The following SLC35B4 variants were observed in gnomAD, a reference collection of about 807,000 sequenced individuals.
The protein encoded by SLC35B4 is solute carrier family 35 member B4, also known as nucleotide sugar transporter SLC35B4.
In SLC35B4, 28 loss-of-function variants were observed where a neutral mutation model predicts 39.5. That is an observed-to-expected ratio of 0.71 (90% CI 0.53 to 0.97). The LOEUF is 0.97. Among genes scored for constraint, SLC35B4 ranks in the 50% least tolerant of loss-of-function variants. The probability of loss-of-function intolerance (pLI) is 0.00; values close to 1 mark genes in which losing one functional copy is unlikely to be tolerated. For missense variants in SLC35B4, 334 were observed against 414.3 expected (o/e 0.81, Z 1.68); for synonymous variants, 145 against 150.4 (o/e 0.96, Z 0.26).
intron 9 of SLC35B4, 54 bp from the exon 10 acceptor site, chr7:134,295,133 G>C (rs1378460746): frequency 1.3e-6 from 2 of 1,589,620 alleles, no homozygotes; most frequent in Non-Finnish European, 1.7e-6. Flanking sequence ...GGGGATCAGT[G>C]AGAGAACCTT....
In SLC35B4 at chr7:134,310,298, A is replaced by AT. The variant is rs1212995837; in HGVS notation, c.78-820dup. Reference sequence around the variant, plus strand: ...GTGATCTGTGAAACAGTTGGGGAAGATTCCCCACATTCAACAGTGATTGTT... The same window carrying AT: ...GTGATCTGTGAAACAGTTGGGGAAGATTTCCCCACATTCAACAGTGATTGTT... On this transcript the variant is annotated intron_variant, in intron 1 of 9. Coordinates refer to ENST00000378509, the MANE Select transcript of SLC35B4 (RefSeq NM_032826.5). Among the ~76,000 whole-genome samples, 6 of 152,302 alleles carry AT rather than the reference A, an allele frequency of 3.9e-5. No individual in the cohort carries two copies. The East Asian group carries it at 1.2e-3, about 29-fold the overall frequency.
chr7:134,294,491 C>T lies in SLC35B4; in HGVS notation c.*342G>A, dbSNP rs1420323228. 4.5e-6 allele frequency: 1 copy of T among 222,396 alleles called. No individual in the cohort carries two copies. Among genetic ancestry groups the T allele is most frequent in the Non-Finnish European group, 9.2e-6 (1 of 109,184 alleles). 13.8% of individuals were successfully genotyped at this position (222,396 alleles called of 1,614,324 possible). A position where few individuals can be genotyped will look rare whatever the true frequency, so the allele number is the denominator to read the frequency against. ...TGCATTACAACAGCAAGAGAAGGGA[C>T]AATCTTTTCCAAGACCATGGATAGT... is the stretch of plus-strand genomic sequence containing the variant. On this transcript the variant is annotated 3_prime_UTR_variant, in exon 10 of 10. Coordinates refer to ENST00000378509, the MANE Select transcript of SLC35B4 (RefSeq NM_032826.5).
intron 9 of SLC35B4, 77 bp downstream of exon 9, chr7:134,296,314 A>T: frequency 1.6e-6 from 2 of 1,250,806 alleles, no homozygotes; most frequent in Non-Finnish European, 2.3e-6. Context: ...ACACACTGTT[A>T]GAAGAAAAGA....
Position 134,316,871 on chromosome 7 carries a change from C to A in SLC35B4, c.-120G>T, listed in dbSNP as rs1585650405. 2 of 1,005,570 alleles carry A rather than the reference C, an allele frequency of 2.0e-6. No individual in the cohort carries two copies. The highest frequency in any genetic ancestry group is 5.4e-5 in the East Asian group (2 of 37,030). 62.3% of individuals were successfully genotyped at this position (1,005,570 alleles called of 1,614,324 possible). ...CACATCGCACCGTCCTGGAAAGCCG[C>A]TCTCACTGGGGGCCGCCGCGGTCTC... On this transcript the variant is annotated 5_prime_UTR_variant, in exon 1 of 10. Coordinates refer to ENST00000378509, the MANE Select transcript of SLC35B4 (RefSeq NM_032826.5).
In SLC35B4 at chr7:134,313,201, T is replaced by C. The variant is rs556220520; in HGVS notation, c.77+3474A>G. Among the ~76,000 whole-genome samples, 76 of 152,254 alleles carry C rather than the reference T, an allele frequency of 5.0e-4. 1 individual carries two copies. The highest frequency in any genetic ancestry group is 7.8e-4 in the Non-Finnish European group (53 of 68,042). On this transcript the variant is annotated intron_variant, in intron 1 of 9. Transcript: ENST00000378509. ...CTTGGATCCCTTAATCTTGTTTTCT[T>C]GAGCTCTCTTCCTCAGGAATTGTAA...
chr7:134,296,664 A>G (rs1013130611), intron 8 of SLC35B4, among the ~76,000 whole-genome samples, 198 bp from the exon 9 acceptor site: 1 of 152,224 alleles, frequency 6.6e-6, no homozygotes, highest in African/African-American at 2.4e-5. Context: ...TTGGTTTCTT[A>G]AAACAAATAA....
chr7:134,303,813 C>T (rs1163619802), intron 4 of SLC35B4, among the ~76,000 whole-genome samples: 1 of 152,086 alleles, frequency 6.6e-6, no homozygotes, highest in African/African-American at 2.4e-5. Flanking sequence ...ATCCTTCCTC[C>T]TTAGGAGTGA....
At chr7:134,314,090 G>A (rs1286274223) in intron 1 of SLC35B4, among the ~76,000 whole-genome samples, 1 of 152,070 alleles carries the variant, frequency 6.6e-6, no homozygotes, top group African/African-American at 2.4e-5. Flanking sequence ...TTAAATAGGA[G>A]CTCCTATAAT....
At chr7:134,320,217 C>A (rs562616509), upstream of SLC35B4, among the ~76,000 whole-genome samples, 1 of 152,302 alleles carries the variant, frequency 6.6e-6, no homozygotes, top group East Asian at 1.9e-4. Context: ...GGTTCTCATG[C>A]AGTTGCAGTC....
At chr7:134,297,667 A>G (rs965640306) in intron 8 of SLC35B4, among the ~76,000 whole-genome samples, 14 of 152,274 alleles carry the variant, frequency 9.2e-5, no homozygotes, top group African/African-American at 3.1e-4. Flanking sequence ...GACATGGTCT[A>G]GAAGAAAATC....
intron 8 of SLC35B4, 27 bp downstream of exon 8, chr7:134,299,496 A>G (rs770256559): frequency 9.1e-5 from 142 of 1,566,102 alleles, no homozygotes; most frequent in Non-Finnish European, 1.2e-4. Context: ...ACTGTCAGGT[A>G]ATTCTACTGT....
rs1179414666 is a variant in SLC35B4, at chr7:134,290,121, A to G, written c.*4712T>C. Reference sequence around the variant, plus strand: ...AACTTTTAAGAATCTTTAATGTTCTATTAGGGATCTTCTTGCACTTTCTTC... The same window carrying G: ...AACTTTTAAGAATCTTTAATGTTCTGTTAGGGATCTTCTTGCACTTTCTTC... On this transcript the variant is annotated 3_prime_UTR_variant, in exon 10 of 10. Transcript: ENST00000378509. 6.6e-6 allele frequency: 1 copy of G among 152,210 alleles called. No homozygotes were observed. Among genetic ancestry groups the G allele is most frequent in the South Asian group, 2.1e-4 (1 of 4,830 alleles). The allele number at this position is 152,210 out of a possible 1,614,324, so 9.4% of individuals were successfully genotyped here. A position where few individuals can be genotyped will look rare whatever the true frequency, so the allele number is the denominator to read the frequency against.
At chr7:134,315,844 G>T (rs2117327216) in intron 1 of SLC35B4, among the ~76,000 whole-genome samples, 1 of 152,292 alleles carries the variant, frequency 6.6e-6, no homozygotes, top group East Asian at 1.9e-4. Context: ...GGAGCCAAGA[G>T]TGAAATTCAC....
chr7:134,306,853 G>T, intron 2 of SLC35B4, 79 bp from the exon 3 acceptor site: 1 of 1,233,896 alleles, frequency 8.1e-7, no homozygotes, highest in Non-Finnish European at 1.1e-6. Flanking sequence ...TATATTTTTG[G>T]CTAAAAAGGC....
chr7:134,314,999 A>G (rs1008476983), intron 1 of SLC35B4, among the ~76,000 whole-genome samples: 5 of 152,202 alleles, frequency 3.3e-5, no homozygotes, highest in Non-Finnish European at 7.3e-5. Context: ...TAAAATGTCA[A>G]GCTCCGTAAC....
intron 2 of SLC35B4, among the ~76,000 whole-genome samples, chr7:134,307,693 T>C (rs917643364): frequency 6.6e-6 from 1 of 152,200 alleles, no homozygotes; most frequent in South Asian, 2.1e-4. Context: ...TTTCCACCTT[T>C]GCACATCTGA....
intron 1 of SLC35B4, among the ~76,000 whole-genome samples, chr7:134,316,036 G>A (rs975464319): frequency 1.3e-5 from 2 of 151,244 alleles, no homozygotes; most frequent in Non-Finnish European, 2.9e-5. Flanking sequence ...GAGCACTCTC[G>A]GGTCACGTGG....
At position 134,302,114 on chromosome 7, in the gene SLC35B4, CA is replaced by C; in HGVS notation, c.345-5del. On this transcript the variant is annotated splice_polypyrimidine_tract_variant and splice_region_variant and intron_variant, in intron 4 of 9. Coordinates refer to ENST00000378509, the MANE Select transcript of SLC35B4 (RefSeq NM_032826.5). ...GGTATATTTGAATATACTGTATCTG[CA>C]AAAAAGAAAAAAAAGAAGAAAAACA... 2 of 1,592,252 alleles carry C rather than the reference CA, an allele frequency of 1.3e-6. No homozygotes were observed. The highest frequency in any genetic ancestry group is 1.7e-6 in the Non-Finnish European group (2 of 1,172,808).
rs112171997 is a variant in SLC35B4 at position 134,294,193 on chromosome 7, GA to G, written c.*639del. 1.3e-3 allele frequency: 182 copies of G among 143,056 alleles called. No individual in the cohort carries two copies. The highest frequency in any genetic ancestry group is 7.0e-3 in the Middle Eastern group (2 of 284). The allele number at this position is 143,056 out of a possible 1,614,324, so 8.9% of individuals were successfully genotyped here. ...GATAGAAGCATCTGACTTTTGCATA[GA>G]AAAAAAAAAAAGCAAAATGTGGGAA... On this transcript the variant is annotated 3_prime_UTR_variant, in exon 10 of 10. Transcript: ENST00000378509.
Sources: gnomAD v4.1 joint callset for allele counts (sites outside exome capture counted in the v4.1 genomes callset) on GRCh38, gnomAD v4.1.1 for gene constraint, MANE v1.5 for transcripts, NCBI Gene and HGNC (gene_info 2026-07-23, HGNC 2026-07-21) for gene names.